The following KRTAP4-6 variants were observed in gnomAD, a reference collection of about 807,000 sequenced individuals.
KRTAP4-6 encodes keratin associated protein 4-6.
A neutral mutation model predicts 3.6 loss-of-function variants in KRTAP4-6; 1 was observed. The ratio of observed to expected loss-of-function variants is 0.28; its 90% CI spans 0.10 to 1.32. The LOEUF (loss-of-function observed/expected upper bound fraction) is 1.32. KRTAP4-6 is among the 40% of genes most tolerant of loss of function. The pLI is 0.45. For synonymous variants in KRTAP4-6, 97 were observed against 96.7 expected (o/e 1.00, Z -0.02); for missense variants, 275 against 280.3 (o/e 0.98, Z 0.14).
At chr17:41,139,819 G>T (rs1453981207) in exon 1 of KRTAP4-6, 9 of 1,534,776 alleles carry the variant, frequency 5.9e-6, no homozygotes, top group Non-Finnish European at 7.9e-6. Flanking sequence ...CACAAGGTCT[G>T]CTTCTGTGAG....
exon 1 of KRTAP4-6, chr17:41,139,985 C>T (rs1329420816): frequency 1.2e-6 from 2 of 1,609,626 alleles, no homozygotes; most frequent in Non-Finnish European, 1.7e-6. Context: ...CAGGCAGCAG[C>T]AGGGGCGGCA....
exon 1 of KRTAP4-6, chr17:41,140,329 A>G (rs549367572): frequency 6.2e-7 from 1 of 1,607,832 alleles, no homozygotes; most frequent in Non-Finnish European, 8.5e-7. Flanking sequence ...GGCAGCACAC[A>G]GACTGGCAGC....
exon 1 of KRTAP4-6, chr17:41,139,904 G>A: frequency 6.9e-6 from 11 of 1,597,176 alleles, no homozygotes; most frequent in Non-Finnish European, 9.4e-6. Flanking sequence ...CAAGGGACGG[G>A]GGCAGGTGGA....
exon 1 of KRTAP4-6, chr17:41,140,095 C>T (rs1055273564): frequency 2.3e-5 from 33 of 1,459,146 alleles, no homozygotes; most frequent in Non-Finnish European, 3.1e-5. Context: ...AGCACACAGA[C>T]TGGCAGCACT....
At chr17:41,140,465 G>A (rs761197532) in exon 1 of KRTAP4-6, 2 of 1,613,512 alleles carry the variant, frequency 1.2e-6, no homozygotes, top group Non-Finnish European at 1.7e-6. Flanking sequence ...AGAGCAGACG[G>A]AACCACAACA....
Position 41,139,906 on chromosome 17 carries a change from G to T in KRTAP4-6, c.582C>A (p.Cys194Ter), listed in dbSNP as rs745817788. Residue 194 changes from cysteine (C) to a stop codon, truncating the protein, a stop_gained, in exon 1 of 1, where the codon TGC becomes TGA. Transcript: ENST00000345847. LOFTEE classifies it high-confidence loss of function. ...AGGAGGCACAGCACAAGGGACGGGG[G>T]CAGGTGGAAATGACACAGGTTGGGC... The T allele has an allele frequency of 1.1e-5, 16 of 1,429,798 alleles. No individual in the cohort carries two copies. The highest frequency in any genetic ancestry group is 1.5e-5 in the Non-Finnish European group (16 of 1,081,880). The allele number at this position is 1,429,798 out of a possible 1,614,324, so 88.6% of individuals were successfully genotyped here. A position where few individuals can be genotyped will look rare whatever the true frequency, so the allele number is the denominator to read the frequency against.
In KRTAP4-6 at chr17:41,139,995, A is replaced by G. The variant is rs2143951903; in HGVS notation, c.493T>C (p.Cys165Arg). ...GGACGCAGGCAGCAGCAGGGGCGGC[A>G]GCAGCACGGGCGGCAGCAGCTGGAT... Residue 165 changes from cysteine to arginine, a missense_variant, in exon 1 of 1, where the codon TGC becomes CGC. Transcript: ENST00000345847. 2 of 1,592,790 alleles carry G rather than the reference A, an allele frequency of 1.3e-6. No individual in the cohort carries two copies. Among genetic ancestry groups the G allele is most frequent in the African/African-American group, 1.3e-5 (1 of 74,918 alleles).
exon 1 of KRTAP4-6, chr17:41,140,458 G>A (rs1278645485): frequency 6.2e-7 from 1 of 1,613,724 alleles, no homozygotes; most frequent in Non-Finnish European, 8.5e-7. Context: ...CCTGGTCAGA[G>A]CAGACGGAAC....
At chr17:41,140,278 A>G (rs1287874726) in exon 1 of KRTAP4-6, 1 of 1,509,058 alleles carries the variant, frequency 6.6e-7, no homozygotes, top group Non-Finnish European at 8.8e-7. Context: ...AGGTGGTCTG[A>G]CAGCAGCTGG....
chr17:41,139,545 G>A, exon 1 of KRTAP4-6: 1 of 404,042 alleles, frequency 2.5e-6, no homozygotes, highest in East Asian at 4.2e-5. Flanking sequence ...AAATCTGAGA[G>A]TGAGACAACC....
chr17:41,139,552 A>G (rs1025122239), exon 1 of KRTAP4-6: 11 of 418,788 alleles, frequency 2.6e-5, no homozygotes, highest in Admixed American at 4.0e-5. Flanking sequence ...AGAGTGAGAC[A>G]ACCTTGCCCC....
At chr17:41,140,044 G>A in exon 1 of KRTAP4-6, 3 of 1,612,964 alleles carry the variant, frequency 1.9e-6, no homozygotes, top group African/African-American at 1.3e-5. Flanking sequence ...GGCGGCAGCA[G>A]CTGGAGATGC....
In KRTAP4-6 at chr17:41,140,396, C is replaced by T. The variant is rs1468489172; in HGVS notation, c.92G>A (p.Cys31Tyr). 2.5e-6 allele frequency: 4 copies of T among 1,614,024 alleles called. No individual in the cohort carries two copies. The highest frequency in any genetic ancestry group is 3.4e-6 in the Non-Finnish European group (4 of 1,179,914). ...GCTGGGGCGGCAGCAGGTGGTCCTG[C>T]AGCAGGTGGTCTGACAGCAGCTGGG... is the stretch of plus-strand genomic sequence containing the variant. The change falls in exon 1 of 1, where the codon TGC (cysteine) becomes TAC (tyrosine). Residue 31 changes from cysteine (C) to tyrosine (Y), a missense_variant. Physicochemically the swap from Cys to Tyr is radical, Grantham distance 194 (BLOSUM62 -2). Coordinates refer to ENST00000345847, the Ensembl canonical transcript of KRTAP4-6.
At chr17:41,140,244 G>C in exon 1 of KRTAP4-6, 1 of 1,592,216 alleles carries the variant, frequency 6.3e-7, no homozygotes, top group East Asian at 2.2e-5. Flanking sequence ...CAGCAGCTAG[G>C]GCGGCAGCAG....
exon 1 of KRTAP4-6, chr17:41,140,330 G>A (rs748949154): frequency 5.0e-6 from 8 of 1,608,716 alleles, no homozygotes; most frequent in Non-Finnish European, 6.8e-6. Context: ...GCAGCACACA[G>A]ACTGGCAGCA....
chr17:41,139,696 A>C, exon 1 of KRTAP4-6: 2 of 1,008,276 alleles, frequency 2.0e-6, no homozygotes, highest in Non-Finnish European at 2.9e-6. Context: ...ACTTGGGTCA[A>C]CATGGGGAAC....
exon 1 of KRTAP4-6, chr17:41,139,925 G>T (rs367641303): frequency 1.2e-6 from 2 of 1,604,258 alleles, no homozygotes; most frequent in Non-Finnish European, 1.7e-6. Flanking sequence ...AATGACACAG[G>T]TTGGGCGATA....
rs191245727 is a variant in KRTAP4-6, at chr17:41,140,367, A to T, written c.121T>A (p.Cys41Ser). 4.3e-5 allele frequency: 70 copies of T among 1,613,584 alleles called. No homozygotes were observed. The African/African-American group carries it at 8.3e-4, about 19-fold the overall frequency. Residue 41 changes from cysteine to serine, a missense_variant, in exon 1 of 1, where the codon TGT becomes AGT. Transcript: ENST00000345847. ...TGGGGTCTGCAGCAGCTGGACACAC[A>T]GCAGCTGGGGCGGCAGCAGGTGGTC...
chr17:41,139,687 CTT>C (rs1166488423), exon 1 of KRTAP4-6: 1 of 921,616 alleles, frequency 1.1e-6, no homozygotes, highest in African/African-American at 1.7e-5. Flanking sequence ...TAATTTCACA[CTT>C]GGGTCAACAT....
Sources: gnomAD v4.1 joint callset for allele counts on GRCh38, gnomAD v4.1.1 for gene constraint, MANE v1.5 for transcripts, NCBI Gene and HGNC (gene_info 2026-07-23, HGNC 2026-07-21) for gene names.